Variants in TBXAS1 observed in about 807,000 individuals in gnomAD.
The protein encoded by TBXAS1 is thromboxane-A synthase.
In TBXAS1, 48 loss-of-function variants were observed where a neutral mutation model predicts 60.7. The observed-to-expected ratio is 0.79, with a 90% CI of 0.63 to 1.01. TBXAS1 has a LOEUF of 1.01. Among genes scored for constraint, TBXAS1 ranks in the 50% least tolerant of loss-of-function variants. The probability of loss-of-function intolerance (pLI) is 0.00; values close to 1 mark genes in which losing one functional copy is unlikely to be tolerated. For missense variants in TBXAS1, 685 were observed against 686.3 expected (o/e 1.00, Z 0.02); for synonymous variants, 287 against 269.7 (o/e 1.06, Z -0.63).
chr7:140,019,365 C>T (rs962780273), intron 12 of TBXAS1, among the ~76,000 whole-genome samples: 10 of 152,324 alleles, frequency 6.6e-5, no homozygotes, highest in Admixed American at 1.3e-4. Flanking sequence ...CTCACTTCCC[C>T]ACGATCTCAA....
chr7:139,808,969 C>T (rs940373827), intron 4 of TBXAS1, among the ~76,000 whole-genome samples: 103 of 129,152 alleles, frequency 8.0e-4, no homozygotes, highest in Non-Finnish European at 1.2e-3. Context: ...AACAGAGTGC[C>T]AGGTCTTCAT....
intron 1 of TBXAS1, among the ~76,000 whole-genome samples, chr7:139,861,592 C>T (rs1800971206): frequency 6.6e-6 from 1 of 152,190 alleles, no homozygotes; most frequent in South Asian, 2.1e-4. Context: ...ATTCAATTAA[C>T]AAGTCTCAAA....
At chr7:139,824,308 A>G (rs1053337488), upstream of TBXAS1, among the ~76,000 whole-genome samples, 1 of 152,214 alleles carries the variant, frequency 6.6e-6, no homozygotes, top group African/African-American at 2.4e-5. Flanking sequence ...GCATGGCTCG[A>G]GACGGAAAGT....
intron 9 of TBXAS1, among the ~76,000 whole-genome samples, chr7:140,000,839 C>A (rs551329198): frequency 6.6e-6 from 1 of 152,186 alleles, no homozygotes; most frequent in Non-Finnish European, 1.5e-5. Flanking sequence ...GAGAGCAGAG[C>A]GCCTCATGTT....
intron 3 of TBXAS1, among the ~76,000 whole-genome samples, chr7:139,890,341 G>A (rs1803491411): frequency 6.8e-6 from 1 of 146,386 alleles, no homozygotes; most frequent in Admixed American, 7.1e-5. Flanking sequence ...TCAGCCTCCC[G>A]AGTAGCTGGG....
intron 11 of TBXAS1, among the ~76,000 whole-genome samples, chr7:140,016,092 G>A (rs1815022561): frequency 1.3e-5 from 2 of 152,138 alleles, no homozygotes; most frequent in Non-Finnish European, 2.9e-5. Context: ...ACTTTGGGAG[G>A]CCAAGGTGGG....
chr7:139,981,176 C>T (rs193191635), intron 9 of TBXAS1, among the ~76,000 whole-genome samples: 1,889 of 152,266 alleles, frequency 0.012, 25 homozygotes, highest in Non-Finnish European at 0.022. Context: ...GGCGCGATCT[C>T]GGCTCACTGC....
chr7:139,918,800 A>C (rs1806204532), intron 4 of TBXAS1, among the ~76,000 whole-genome samples: 1 of 152,082 alleles, frequency 6.6e-6, no homozygotes, highest in Non-Finnish European at 1.5e-5. Flanking sequence ...CGAGCTGTGG[A>C]CACATCTCAC....
At chr7:139,995,630 C>T (rs142439399) in intron 9 of TBXAS1, among the ~76,000 whole-genome samples, 2 of 152,252 alleles carry the variant, frequency 1.3e-5, no homozygotes, top group Non-Finnish European at 2.9e-5. Context: ...GTGTGAAAAG[C>T]CCCGGTGGAC....
chr7:139,926,796 A>G (rs939727366), intron 4 of TBXAS1, among the ~76,000 whole-genome samples: 12 of 151,936 alleles, frequency 7.9e-5, no homozygotes, highest in South Asian at 2.1e-4. Flanking sequence ...TGCTTTTGCC[A>G]TATCCCATTA....
chr7:139,984,945 GA>G (rs796271029), intron 9 of TBXAS1, among the ~76,000 whole-genome samples: 2,489 of 61,728 alleles, frequency 0.04, 28 homozygotes, highest in African/African-American at 0.13. Context: ...AGAAAGAAAA[GA>G]AAAGAAAGAA....
intron 9 of TBXAS1, among the ~76,000 whole-genome samples, chr7:139,965,887 A>T (rs576616063): frequency 8.0e-4 from 116 of 145,396 alleles, no homozygotes; most frequent in African/African-American, 2.7e-3. Flanking sequence ...TTATTTTTTT[A>T]ATTTTTTTTT....
intron 3 of TBXAS1, among the ~76,000 whole-genome samples, chr7:139,886,972 C>A (rs1803162659): frequency 6.6e-6 from 1 of 152,180 alleles, no homozygotes; most frequent in Non-Finnish European, 1.5e-5. Context: ...CACAAGGATG[C>A]TTTATCTCCA....
chr7:139,841,340 C>T (rs1437919112), intron 1 of TBXAS1, among the ~76,000 whole-genome samples: 2 of 152,150 alleles, frequency 1.3e-5, no homozygotes, highest in Non-Finnish European at 2.9e-5. Context: ...GTACCCCAGG[C>T]AAAGACAACA....
chr7:139,915,651 G>A (rs2117072932), intron 4 of TBXAS1, among the ~76,000 whole-genome samples: 2 of 152,308 alleles, frequency 1.3e-5, no homozygotes, highest in East Asian at 3.9e-4. Flanking sequence ...AATTTGACAT[G>A]AGCCGTAAGC....
intron 1 of TBXAS1, among the ~76,000 whole-genome samples, chr7:139,860,591 G>C (rs1800891556): frequency 6.6e-6 from 1 of 152,162 alleles, no homozygotes; most frequent in Non-Finnish European, 1.5e-5. Flanking sequence ...CTTATAAAAA[G>C]GACACAGGAG....
intron 5 of TBXAS1, among the ~76,000 whole-genome samples, chr7:139,949,883 T>C (rs990252062): frequency 6.6e-6 from 1 of 152,136 alleles, no homozygotes; most frequent in Non-Finnish European, 1.5e-5. Context: ...TGAATGATTC[T>C]GCGGCTACCT....
chr7:139,860,808 C>T (rs1419161323), intron 1 of TBXAS1, among the ~76,000 whole-genome samples: 1 of 152,192 alleles, frequency 6.6e-6, no homozygotes, highest in Non-Finnish European at 1.5e-5. Flanking sequence ...TTTTAAATCC[C>T]TCAGCTTGTG....
chr7:139,829,762 T>TA (rs759179919), intron 1 of TBXAS1, among the ~76,000 whole-genome samples: 7 of 152,146 alleles, frequency 4.6e-5, no homozygotes, highest in Admixed American at 3.9e-4. Flanking sequence ...GGAAAGGCAT[T>TA]AGGTTTGGGT....
Sources: gnomAD v4.1 joint callset for allele counts (sites outside exome capture counted in the v4.1 genomes callset) on GRCh38, gnomAD v4.1.1 for gene constraint, MANE v1.5 for transcripts, NCBI Gene and HGNC (gene_info 2026-07-23, HGNC 2026-07-21) for gene names.